The following AFAP1L2 variants were observed in gnomAD, a reference collection of about 807,000 sequenced individuals.
AFAP1L2 encodes the protein actin filament associated protein 1 like 2.
AFAP1L2 carries 46 observed loss-of-function variants against 99.3 expected under a neutral mutation model. That is an observed-to-expected ratio of 0.46 (90% CI 0.37 to 0.59). The LOEUF (loss-of-function observed/expected upper bound fraction) is 0.59. Ranked by LOEUF, AFAP1L2 falls within the 20% of genes least tolerant of loss-of-function variation. The pLI, the probability that AFAP1L2 is intolerant of heterozygous loss-of-function variation, is 0.00. For missense variants in AFAP1L2, 959 were observed against 1,034.9 expected (o/e 0.93, Z 1.01); for synonymous variants, 397 against 419.1 (o/e 0.95, Z 0.64).
chr10:114,358,486 T>C (rs2051720892), intron 1 of AFAP1L2, among the ~76,000 whole-genome samples: 1 of 151,952 alleles, frequency 6.6e-6, no homozygotes, highest in African/African-American at 2.4e-5. Context: ...AGCCAGAAAA[T>C]CCAGATCTGA....
At chr10:114,388,331 T>C (rs1283758914) in intron 1 of AFAP1L2, among the ~76,000 whole-genome samples, 1 of 152,032 alleles carries the variant, frequency 6.6e-6, no homozygotes, top group Non-Finnish European at 1.5e-5. Flanking sequence ...CAACTGCCAC[T>C]GCCTGGGCCT....
intron 1 of AFAP1L2, among the ~76,000 whole-genome samples, chr10:114,372,676 C>A (rs939656674): frequency 6.6e-6 from 1 of 151,718 alleles, no homozygotes; most frequent in Non-Finnish European, 1.5e-5. Context: ...TTTATATGCA[C>A]ATATGTGTAC....
At chr10:114,365,689 C>A (rs553066252) in intron 1 of AFAP1L2, among the ~76,000 whole-genome samples, 6 of 151,370 alleles carry the variant, frequency 4.0e-5, no homozygotes, top group Non-Finnish European at 7.4e-5. Context: ...TTTCTTTGAC[C>A]GCCCTTACTT....
chr10:114,302,545 T>TC, intron 11 of AFAP1L2, 61 bp from the exon 12 acceptor site: 1 of 1,600,382 alleles, frequency 6.2e-7, no homozygotes, highest in Non-Finnish European at 8.5e-7. Flanking sequence ...TGCCAGCCCC[T>TC]CCCCACCAGG....
downstream of AFAP1L2, chr10:114,290,197 C>A (rs1460603109): frequency 1.4e-5 from 21 of 1,546,714 alleles, no homozygotes; most frequent in Non-Finnish European, 1.7e-5. Context: ...CGGGTCTAAC[C>A]CATGCCTGGC....
chr10:114,363,161 G>GGAAACGGGT (rs2052688271), intron 1 of AFAP1L2: 1 of 985,276 alleles, frequency 1.0e-6, no homozygotes, highest in Non-Finnish European at 1.2e-6. Context: ...AGCAAACTGG[G>GGAAACGGGT]GAAACGGGTT....
intron 10 of AFAP1L2, among the ~76,000 whole-genome samples, chr10:114,306,381 G>GAGGGGACGCGGGGGCAGGAGGGTAC (rs1187776556): frequency 6.6e-6 from 1 of 150,422 alleles, no homozygotes; most frequent in Non-Finnish European, 1.5e-5. Context: ...AGGAGGGCAT[G>GAGGGGACGCGGGGGCAGGAGGGTAC]GGTGTCTAGG....
At chr10:114,297,641 A>C (rs962150378) in intron 16 of AFAP1L2, among the ~76,000 whole-genome samples, 16 of 152,198 alleles carry the variant, frequency 1.1e-4, no homozygotes, top group Non-Finnish European at 2.2e-4. Context: ...CTCTGGCTTC[A>C]CTAAGGGGCA....
chr10:114,297,306 T>G lies in AFAP1L2; in HGVS notation c.2221A>C (p.Lys741Gln), dbSNP rs1185174777. ...VDLELSIMEVKDNLKKAEAGP... is the reference protein window; with the variant it reads ...VDLELSIMEVQDNLKKAEAGP... ...GCCTCAGCCTTCTTCAGGTTGTCCT[T>G]CACCTCCATGATGCTGAGCTCCAGG... The change falls in exon 17 of 19, where the codon AAG (lysine) becomes CAG (glutamine). Residue 741 changes from lysine to glutamine, a missense_variant. Physicochemically the swap from Lys to Gln is moderately conservative, Grantham distance 53. This residue lies in a region of AFAP1L2 where 576 missense variants were observed against 562.1 expected (regional missense o/e 1.02). Transcript: ENST00000304129. 2 of 1,613,866 alleles carry G rather than the reference T, an allele frequency of 1.2e-6. No homozygotes were observed. Among genetic ancestry groups the G allele is most frequent in the African/African-American group, 2.7e-5 (2 of 74,914 alleles).
chr10:114,329,566 C>T (rs537110581), intron 4 of AFAP1L2, among the ~76,000 whole-genome samples: 5 of 152,302 alleles, frequency 3.3e-5, no homozygotes, highest in African/African-American at 1.2e-4. Context: ...AAAGTTCCAG[C>T]CGTGGCTCAG....
Position 114,297,169 on chromosome 10 carries a change from A to T in AFAP1L2, c.2307+51T>A. On this transcript the variant is annotated intron_variant, in intron 17 of 18. Transcript: ENST00000304129. ...AGATGTGACCCACCCACCCCAACCC[A>T]TGTCCAGGGAGCCCTGCAAGCAGCC... 7 of 1,196,422 alleles carry T rather than the reference A, an allele frequency of 5.9e-6. No individual in the cohort carries two copies. The South Asian group carries it at 6.0e-5, about 10-fold the overall frequency. The allele number at this position is 1,196,422 out of a possible 1,614,324, so 74.1% of individuals were successfully genotyped here.
chr10:114,282,017 C>CTTTTT, the AFAP1L2 span, among the ~76,000 whole-genome samples: 4 of 119,660 alleles, frequency 3.3e-5, no homozygotes, highest in East Asian at 2.7e-4. Context: ...CTTATGTTAC[C>CTTTTT]TTTTTTTTTT....
chr10:114,289,482 G>C, the AFAP1L2 span: 1 of 1,614,188 alleles, frequency 6.2e-7, no homozygotes, highest in Non-Finnish European at 8.5e-7. Flanking sequence ...TTGAGTGGCT[G>C]TGTGGAGGTG....
chr10:114,366,034 C>A (rs1200495504), intron 1 of AFAP1L2, among the ~76,000 whole-genome samples: 1 of 152,146 alleles, frequency 6.6e-6, no homozygotes, highest in Non-Finnish European at 1.5e-5. Context: ...CTGCACCCAG[C>A]CCATCCTTAA....
At chr10:114,330,229 G>C (rs1332057203) in intron 4 of AFAP1L2, among the ~76,000 whole-genome samples, 1 of 152,150 alleles carries the variant, frequency 6.6e-6, no homozygotes, top group Non-Finnish European at 1.5e-5. Context: ...GAATGAAGGG[G>C]CCAGTCCAGA....
Position 114,315,682 on chromosome 10 carries a change from G to T in AFAP1L2, c.490C>A (p.Pro164Thr). ...AGCTCGATGCCGGCCTCCGGCGAGG[G>T]CCACTGGTAAGGGGCCGACTTGCCC... is the stretch of plus-strand genomic sequence containing the variant. Reference protein sequence around the residue: ...SKGKSAPYQWPSPEAGIELMR... With the variant: ...SKGKSAPYQWTSPEAGIELMR... The change falls in exon 6 of 19, where the codon CCC becomes ACC. Residue 164 changes from proline (P) to threonine (T), a missense_variant. Around this residue, in one of 2 missense-constraint regions of AFAP1L2, gnomAD observed 383 missense variants for 472.8 expected, o/e 0.81. Transcript: ENST00000304129. 6.2e-7 allele frequency: 1 copy of T among 1,613,828 alleles called. No homozygotes were observed. The highest frequency in any genetic ancestry group is 8.5e-7 in the Non-Finnish European group (1 of 1,179,994).
intron 7 of AFAP1L2, among the ~76,000 whole-genome samples, chr10:114,312,266 TG>T (rs2043368466): frequency 1.4e-5 from 2 of 141,994 alleles, no homozygotes; most frequent in African/African-American, 5.2e-5. Flanking sequence ...TGTGTGTGTG[TG>T]TGTGTGTGTG....
At chr10:114,348,112 A>G (rs987496443) in intron 1 of AFAP1L2, among the ~76,000 whole-genome samples, 2 of 152,186 alleles carry the variant, frequency 1.3e-5, no homozygotes, top group African/African-American at 4.8e-5. Context: ...TCCATGTTGC[A>G]GTAGGTATGG....
In AFAP1L2 at chr10:114,300,552, T is replaced by G; in HGVS notation, c.1681A>C (p.Thr561Pro). ...GTTGCATTGTCCAGGCAGGACAACG[T>G]CGGGGAGGAGGCCTGGGCCTGTGCA... ...SSAQAQASSP[T>P]LSCLDNATEA... Residue 561 changes from threonine (T) to proline (P), a missense_variant, in exon 14 of 19, where the codon ACG becomes CCG. This residue lies in a region of AFAP1L2 where 576 missense variants were observed against 562.1 expected (regional missense o/e 1.02). Coordinates refer to ENST00000304129, the MANE Select transcript of AFAP1L2 (RefSeq NM_001001936.3). 4 of 1,614,080 alleles carry G rather than the reference T, an allele frequency of 2.5e-6. No homozygotes were observed. The highest frequency in any genetic ancestry group is 2.5e-6 in the Non-Finnish European group (3 of 1,180,002).
Sources: allele counts gnomAD v4.1 joint callset (sites outside exome capture counted in the v4.1 genomes callset), GRCh38; gene constraint gnomAD v4.1.1; regional missense constraint gnomAD v4.1.1; transcripts MANE v1.5; gene names NCBI Gene and HGNC (gene_info 2026-07-23, HGNC 2026-07-21).